Variants in NDST3 observed in about 807,000 individuals in gnomAD.
NDST3 encodes bifunctional heparan sulfate N-deacetylase/N-sulfotransferase 3.
A neutral mutation model predicts 96.1 loss-of-function variants in NDST3; 58 were observed. The ratio of observed to expected loss-of-function variants is 0.60; its 90% CI spans 0.49 to 0.75. The LOEUF is 0.75. NDST3 is among the 30% of genes least tolerant of loss of function. The pLI, the probability that NDST3 is intolerant of heterozygous loss-of-function variation, is 0.00. For missense variants in NDST3, 788 were observed against 1,034.2 expected, an observed-to-expected ratio of 0.76 and a Z score of 3.27; for synonymous variants, 333 against 359.7, an observed-to-expected ratio of 0.93 and a Z score of 0.84.
At chr4:118,050,595 G>A (rs553514923) in intron 1 of NDST3, among the ~76,000 whole-genome samples, 2 of 152,032 alleles carry the variant, frequency 1.3e-5, no homozygotes, top group South Asian at 4.1e-4. Context: ...AAAGCTGAGA[G>A]TCCAATGAAG....
intron 9 of NDST3, 33 bp downstream of exon 9, chr4:118,233,168 A>G (rs1740423379): frequency 1.9e-6 from 3 of 1,583,958 alleles, no homozygotes; most frequent in Non-Finnish European, 2.6e-6. Context: ...ATCTAAAAGT[A>G]TATGTACTGT....
chr4:118,204,987 T>C (rs1429803110), intron 6 of NDST3, among the ~76,000 whole-genome samples: 3 of 144,868 alleles, frequency 2.1e-5, no homozygotes, highest in African/African-American at 5.1e-5. Context: ...TGGCTTATTA[T>C]ATTAAAGTTG....
intron 6 of NDST3, among the ~76,000 whole-genome samples, chr4:118,218,922 A>T (rs1739365238): frequency 6.6e-6 from 1 of 152,180 alleles, no homozygotes. Context: ...GAGCCAAATC[A>T]TGAATGAACT....
intron 6 of NDST3, among the ~76,000 whole-genome samples, chr4:118,206,138 C>T (rs1738429877): frequency 6.9e-6 from 1 of 143,950 alleles, no homozygotes. Context: ...CTACCCTCTA[C>T]AACACCCACA....
At chr4:118,193,466 T>C in intron 6 of NDST3, 1 of 752,134 alleles carries the variant, frequency 1.3e-6, no homozygotes, top group Non-Finnish European at 2.2e-6. Context: ...CTCCTCCATC[T>C]CTGTGTCAGT....
At chr4:118,148,419 C>A (rs894383279) in intron 6 of NDST3, among the ~76,000 whole-genome samples, 3 of 152,192 alleles carry the variant, frequency 2.0e-5, no homozygotes, top group African/African-American at 7.2e-5. Context: ...CATTAGCTAA[C>A]CCCTTTATGC....
intron 6 of NDST3, among the ~76,000 whole-genome samples, chr4:118,171,439 T>G (rs1273539685): frequency 6.6e-6 from 1 of 152,234 alleles, no homozygotes. Context: ...TTTAGATTGC[T>G]GAGGCATTTC....
chr4:118,255,766 A>C lies in NDST3; in HGVS notation c.*54A>C. 6.8e-7 allele frequency: 1 copy of C among 1,475,014 alleles called. No individual in the cohort carries two copies. Among genetic ancestry groups the C allele is most frequent in the East Asian group, 2.4e-5 (1 of 41,088 alleles). 91.4% of individuals were successfully genotyped at this position (1,475,014 alleles called of 1,614,324 possible). ...TCCATGTAGAACACACCTTTTCCAA[A>C]GCTTCCAGAAGCTACCAAAAGGCAG... On this transcript the variant is annotated 3_prime_UTR_variant, in exon 14 of 14. Transcript: ENST00000296499.
At chr4:118,149,373 C>T (rs983120634) in intron 6 of NDST3, among the ~76,000 whole-genome samples, 29 of 152,140 alleles carry the variant, frequency 1.9e-4, no homozygotes, top group African/African-American at 6.7e-4. Context: ...GATATTGATT[C>T]TTCCTACCCA....
At chr4:118,174,606 C>T (rs1736159582) in intron 6 of NDST3, among the ~76,000 whole-genome samples, 1 of 152,156 alleles carries the variant, frequency 6.6e-6, no homozygotes, top group Non-Finnish European at 1.5e-5. Context: ...ATTTTGACAG[C>T]ATGCTGCTAA....
intron 2 of NDST3, among the ~76,000 whole-genome samples, chr4:118,070,605 C>A (rs1043661944): frequency 1.3e-5 from 2 of 151,154 alleles, no homozygotes; most frequent in African/African-American, 4.9e-5. Context: ...TCAAATCCGT[C>A]ATCTATGTGT....
chr4:118,040,869 A>ATATATATATATATT (rs1027783330), intron 1 of NDST3, among the ~76,000 whole-genome samples: 2 of 51,330 alleles, frequency 3.9e-5, no homozygotes, highest in South Asian at 9.6e-4. Context: ...ATATATTTTT[A>ATATATATATATATT]TATATATATA....
intron 6 of NDST3, among the ~76,000 whole-genome samples, chr4:118,212,644 G>C (rs181126444): frequency 6.0e-4 from 91 of 152,216 alleles, no homozygotes; most frequent in African/African-American, 2.0e-3. Context: ...ATTTGCAGCA[G>C]AACAATCCTA....
At chr4:118,046,648 AC>A (rs572714519) in intron 1 of NDST3, among the ~76,000 whole-genome samples, 1 of 152,138 alleles carries the variant, frequency 6.6e-6, no homozygotes, top group Non-Finnish European at 1.5e-5. Context: ...TCCTCAGAGC[AC>A]CCAGAATCCA....
intron 6 of NDST3, among the ~76,000 whole-genome samples, chr4:118,161,333 T>C (rs1735112272): frequency 6.6e-6 from 1 of 152,244 alleles, no homozygotes; most frequent in Non-Finnish European, 1.5e-5. Flanking sequence ...AGGGACCCAC[T>C]TGAGGAGGCA....
chr4:118,212,932 T>C (rs1332798834), intron 6 of NDST3, among the ~76,000 whole-genome samples: 1 of 152,230 alleles, frequency 6.6e-6, no homozygotes, highest in Non-Finnish European at 1.5e-5. Context: ...TATTGAACTT[T>C]TAGCATGTAT....
intron 1 of NDST3, among the ~76,000 whole-genome samples, chr4:118,039,842 G>A (rs1236233700): frequency 5.9e-5 from 9 of 152,154 alleles, no homozygotes; most frequent in Admixed American, 3.3e-4. Flanking sequence ...ACTTAGAAGG[G>A]AGAGCATCAT....
At chr4:118,171,464 T>C (rs1272333566) in intron 6 of NDST3, among the ~76,000 whole-genome samples, 1 of 152,168 alleles carries the variant, frequency 6.6e-6, no homozygotes, top group East Asian at 1.9e-4. Context: ...CATAACTCAG[T>C]AGGTTCTTAA....
intron 3 of NDST3, among the ~76,000 whole-genome samples, chr4:118,113,195 C>T (rs754319186): frequency 5.3e-5 from 8 of 152,134 alleles, no homozygotes; most frequent in Non-Finnish European, 8.8e-5. Flanking sequence ...GGTCATGTGA[C>T]TTGGCCACAC....
Sources: allele counts gnomAD v4.1 joint callset (sites outside exome capture counted in the v4.1 genomes callset), GRCh38; gene constraint gnomAD v4.1.1; transcripts MANE v1.5; gene names NCBI Gene and HGNC (gene_info 2026-07-23, HGNC 2026-07-21).